SPIDR: variants seen among roughly 807,000 people sequenced by gnomAD.
The protein encoded by SPIDR is DNA repair-scaffolding protein.
In SPIDR, 93 loss-of-function variants were observed where a neutral mutation model predicts 104.6. That is an observed-to-expected ratio of 0.89 (90% CI 0.75 to 1.06). SPIDR has a LOEUF of 1.06. Ranked by LOEUF, SPIDR falls within the 50% of genes least tolerant of loss-of-function variation. The pLI, the probability that SPIDR is intolerant of heterozygous loss-of-function variation, is 0.00. For missense variants in SPIDR, 1,154 were observed against 1,111.2 expected (o/e 1.04, Z -0.55); for synonymous variants, 431 against 416.9 (o/e 1.03, Z -0.41).
intron 5 of SPIDR, among the ~76,000 whole-genome samples, chr8:47,296,231 T>G (rs2040821576): frequency 1.3e-5 from 2 of 152,234 alleles, no homozygotes; most frequent in African/African-American, 4.8e-5. Flanking sequence ...GCACATCTTT[T>G]GCTCTGTTGT....
chr8:47,674,858 GTC>G (rs1419285218), intron 11 of SPIDR, among the ~76,000 whole-genome samples: 1 of 152,144 alleles, frequency 6.6e-6, no homozygotes, highest in Non-Finnish European at 1.5e-5. Flanking sequence ...TTTGAGTCCT[GTC>G]TCTCTTTCCT....
chr8:47,501,028 C>T (rs374546607), intron 8 of SPIDR, among the ~76,000 whole-genome samples: 1 of 152,148 alleles, frequency 6.6e-6, no homozygotes, highest in Non-Finnish European at 1.5e-5. Flanking sequence ...CAGTACCATG[C>T]TGTTTTGGTT....
intron 10 of SPIDR, chr8:47,654,298 CA>C (rs2072273417): frequency 1.7e-6 from 1 of 578,384 alleles, no homozygotes; most frequent in African/African-American, 1.9e-5. Flanking sequence ...GGGCCACAAG[CA>C]AGGCAAGACC....
Position 47,440,552 on chromosome 8 carries a change from C to T in SPIDR, c.1097+10C>T. 1.9e-6 allele frequency: 3 copies of T among 1,607,040 alleles called. No individual in the cohort carries two copies. The highest frequency in any genetic ancestry group is 1.3e-5 in the African/African-American group (1 of 74,932). ...GGATCTTCCCTCCCTGGTGAGTGCG[C>T]AGAACTTAATCCAGCAGTCACCAAC... On this transcript the variant is annotated intron_variant, in intron 8 of 19. Transcript: ENST00000297423.
At chr8:47,428,687 A>G (rs532817358) in intron 7 of SPIDR, among the ~76,000 whole-genome samples, 1 of 152,334 alleles carries the variant, frequency 6.6e-6, no homozygotes, top group African/African-American at 2.4e-5. Flanking sequence ...TTTGTAGGTC[A>G]GCATCTTTTA....
At chr8:47,292,843 G>A (rs1382108034) in intron 4 of SPIDR, among the ~76,000 whole-genome samples, 1 of 152,030 alleles carries the variant, frequency 6.6e-6, no homozygotes, top group Non-Finnish European at 1.5e-5. Flanking sequence ...CTCGAATGGT[G>A]TGATGGGCTC....
intron 10 of SPIDR, among the ~76,000 whole-genome samples, chr8:47,660,023 T>C (rs2073837837): frequency 6.6e-6 from 1 of 152,188 alleles, no homozygotes; most frequent in East Asian, 1.9e-4. Flanking sequence ...TGTCCTTCAT[T>C]CGTGTAGCTA....
At position 47,581,579 on chromosome 8, in the gene SPIDR, A is replaced by G. The variant is rs180983698; in HGVS notation, c.1098-14232A>G. Among the ~76,000 whole-genome samples, 36 of 152,302 alleles carry G rather than the reference A, an allele frequency of 2.4e-4. No individual in the cohort carries two copies. In the East Asian group the frequency reaches 6.2e-3, roughly 26 times the overall value. ...GCCCTGCTGGACAGACAGAAGATGC[A>G]TCTACCATCCAGCTTCAGCCTTTGG... On this transcript the variant is annotated intron_variant, in intron 8 of 19. Transcript: ENST00000297423.
intron 8 of SPIDR, among the ~76,000 whole-genome samples, chr8:47,594,590 T>C (rs1340070784): frequency 6.6e-6 from 1 of 152,162 alleles, no homozygotes; most frequent in African/African-American, 2.4e-5. Context: ...TGCCCCTTCC[T>C]TGGTCCTTGG....
rs962091879 is a variant in SPIDR, at chr8:47,511,333, A to T, written c.1097+70791A>T. ...ATTTTCTGCCAGTTGGACTGGAGAGATGGTACTCAACACCTAGGGGGCAGT... is the reference window on the plus strand; with the variant it reads ...ATTTTCTGCCAGTTGGACTGGAGAGTTGGTACTCAACACCTAGGGGGCAGT... On this transcript the variant is annotated intron_variant, in intron 8 of 19. Coordinates refer to ENST00000297423, the MANE Select transcript of SPIDR (RefSeq NM_001080394.4). 4 of 1,197,658 alleles carry T rather than the reference A, an allele frequency of 3.3e-6. No individual in the cohort carries two copies. The African/African-American group carries it at 6.0e-5, about 18-fold the overall frequency. 74.2% of individuals were successfully genotyped at this position (1,197,658 alleles called of 1,614,324 possible).
chr8:47,406,106 T>TC (rs2062722024), intron 6 of SPIDR, among the ~76,000 whole-genome samples: 1 of 151,898 alleles, frequency 6.6e-6, no homozygotes, highest in South Asian at 2.1e-4. Flanking sequence ...TTTTTTTTTT[T>TC]CTGTAAGGTC....
At chr8:47,461,977 T>C (rs1337856371) in intron 8 of SPIDR, among the ~76,000 whole-genome samples, 1 of 151,774 alleles carries the variant, frequency 6.6e-6, no homozygotes, top group African/African-American at 2.4e-5. Context: ...TTTTGGGGGG[T>C]GTTAAAGCAC....
At chr8:47,459,795 A>G (rs1564029828) in intron 8 of SPIDR, among the ~76,000 whole-genome samples, 2 of 151,956 alleles carry the variant, frequency 1.3e-5, no homozygotes, top group African/African-American at 2.4e-5. Flanking sequence ...TCCTCTTACC[A>G]CCACCTTTGC....
At chr8:47,328,892 A>T (rs191495769) in intron 5 of SPIDR, among the ~76,000 whole-genome samples, 2 of 151,498 alleles carry the variant, frequency 1.3e-5, no homozygotes, top group African/African-American at 4.8e-5. Context: ...TAGTTCTTCT[A>T]ATGTCATTTT....
rs995489974 is a variant in SPIDR, at chr8:47,407,848, A to T, written c.777-13A>T. The T allele has an allele frequency of 6.5e-7, 1 of 1,528,678 alleles. No individual in the cohort carries two copies. The highest frequency in any genetic ancestry group is 9.0e-7 in the Non-Finnish European group (1 of 1,110,338). The allele number at this position is 1,528,678 out of a possible 1,614,324, so 94.7% of individuals were successfully genotyped here. On this transcript the variant is annotated splice_polypyrimidine_tract_variant and intron_variant, in intron 6 of 19. Transcript: ENST00000297423. The stretch of plus-strand genomic sequence containing the variant: ...TTTTAACTAAACTTAATACATTATA[A>T]TTCATTAAACAGAGGTGGACTAGCA...
At chr8:47,484,565 G>T (rs1554729428) in intron 8 of SPIDR, among the ~76,000 whole-genome samples, 1 of 152,188 alleles carries the variant, frequency 6.6e-6, no homozygotes, top group Non-Finnish European at 1.5e-5. Context: ...ATGCTGTTAG[G>T]TTTCCTGAGG....
intron 12 of SPIDR, among the ~76,000 whole-genome samples, chr8:47,701,223 G>A (rs1298014173): frequency 7.9e-5 from 12 of 152,168 alleles, no homozygotes; most frequent in Non-Finnish European, 4.4e-5. Flanking sequence ...ACCTGAGGTC[G>A]GGAGTTCAAG....
intron 5 of SPIDR, among the ~76,000 whole-genome samples, chr8:47,384,680 G>A (rs1426112788): frequency 6.6e-5 from 10 of 152,180 alleles, no homozygotes; most frequent in African/African-American, 2.4e-4. Context: ...AGTTTAGACA[G>A]ATGCGGGGCT....
intron 8 of SPIDR, among the ~76,000 whole-genome samples, chr8:47,575,760 G>A (rs2059032209): frequency 6.6e-6 from 1 of 151,636 alleles, no homozygotes; most frequent in South Asian, 2.1e-4. Flanking sequence ...AGGAGTTCGA[G>A]ACCAGCCTGA....
Sources: allele counts gnomAD v4.1 joint callset (sites outside exome capture counted in the v4.1 genomes callset), GRCh38; gene constraint gnomAD v4.1.1; transcripts MANE v1.5; gene names NCBI Gene and HGNC (gene_info 2026-07-23, HGNC 2026-07-21).